Variants in CNTNAP2 observed in about 807,000 individuals in gnomAD.
CNTNAP2 encodes contactin associated protein 2.
In CNTNAP2, 98 loss-of-function variants were observed where a neutral mutation model predicts 155.2. The ratio of observed to expected loss-of-function variants is 0.63; its 90% CI spans 0.54 to 0.75. The LOEUF (loss-of-function observed/expected upper bound fraction) is 0.75. Among genes scored for constraint, CNTNAP2 ranks in the 30% least tolerant of loss-of-function variants. CNTNAP2 has a pLI of 0.00. For synonymous variants in CNTNAP2, 651 were observed against 631.2 expected (o/e 1.03, Z -0.47); for missense variants, 1,727 against 1,688.1 (o/e 1.02, Z -0.40).
At chr7:147,683,130 T>C (rs1795971694) in intron 13 of CNTNAP2, among the ~76,000 whole-genome samples, 2 of 151,918 alleles carry the variant, frequency 1.3e-5, no homozygotes, top group South Asian at 2.1e-4. Context: ...TTCTTTCATA[T>C]AATATATAAC....
chr7:147,207,840 C>A (rs1056396553), intron 8 of CNTNAP2, among the ~76,000 whole-genome samples: 2 of 152,044 alleles, frequency 1.3e-5, no homozygotes, highest in Non-Finnish European at 2.9e-5. Context: ...AGATCTCATT[C>A]ACTTATAAAC....
At chr7:148,230,527 T>G (rs1486519489) in intron 20 of CNTNAP2, among the ~76,000 whole-genome samples, 1 of 152,176 alleles carries the variant, frequency 6.6e-6, no homozygotes, top group African/African-American at 2.4e-5. Context: ...AGCAGGAGGA[T>G]GCTGTTTTGT....
At chr7:146,368,032 A>T (rs1795179666) in intron 1 of CNTNAP2, among the ~76,000 whole-genome samples, 1 of 152,072 alleles carries the variant, frequency 6.6e-6, no homozygotes, top group African/African-American at 2.4e-5. Context: ...TCATCCCTGA[A>T]TTCTCTCTTG....
intron 1 of CNTNAP2, among the ~76,000 whole-genome samples, chr7:146,741,341 C>T (rs1801712720): frequency 6.6e-6 from 1 of 152,080 alleles, no homozygotes; most frequent in Non-Finnish European, 1.5e-5. Flanking sequence ...CTGTCTGGCT[C>T]CCACAAGGCA....
At chr7:146,376,099 T>C (rs944453986) in intron 1 of CNTNAP2, among the ~76,000 whole-genome samples, 4 of 152,330 alleles carry the variant, frequency 2.6e-5, no homozygotes, top group Admixed American at 6.5e-5. Context: ...CCCACTCTTT[T>C]AGTTGGCTGC....
intron 3 of CNTNAP2, among the ~76,000 whole-genome samples, chr7:146,941,164 A>G (rs1436346732): frequency 6.6e-6 from 1 of 151,892 alleles, no homozygotes; most frequent in African/African-American, 2.4e-5. Flanking sequence ...ATTGTTTCCC[A>G]GTTGTTTTGA....
At position 147,830,536 on chromosome 7, in the gene CNTNAP2, G is replaced by A. The variant is rs540190376; in HGVS notation, c.2099-73029G>A. ...TACATCTACTTTCTTCAAAACTGTA[G>A]GCAAGCTGTAAAGAAGGGAAAATCA... On this transcript the variant is annotated intron_variant, in intron 13 of 23. Coordinates refer to ENST00000361727, the MANE Select transcript of CNTNAP2 (RefSeq NM_014141.6). Among the ~76,000 whole-genome samples, 4 of 152,248 alleles carry A rather than the reference G, an allele frequency of 2.6e-5. No individual in the cohort carries two copies. The East Asian group carries it at 7.7e-4, about 29-fold the overall frequency.
chr7:148,061,187 TA>T (rs1280195343), intron 15 of CNTNAP2, among the ~76,000 whole-genome samples: 2 of 149,566 alleles, frequency 1.3e-5, no homozygotes, highest in Non-Finnish European at 2.9e-5. Flanking sequence ...TAATGTGTTT[TA>T]AAAAGGAGTA....
At chr7:148,195,191 C>T (rs1232335521) in intron 18 of CNTNAP2, among the ~76,000 whole-genome samples, 2 of 152,180 alleles carry the variant, frequency 1.3e-5, no homozygotes, top group African/African-American at 4.8e-5. Flanking sequence ...ATTGCACATT[C>T]CTTCTGGGCA....
intron 20 of CNTNAP2, among the ~76,000 whole-genome samples, chr7:148,247,615 CTCTCTCTCTCTATTTATTTATTTATT>C (rs1026487382): frequency 4.1e-5 from 6 of 146,862 alleles, no homozygotes; most frequent in African/African-American, 1.5e-4. Flanking sequence ...CTCTCTCTCT[CTCTCTCTCTCTATTTATTTATTTATT>C]TATTTATTTA....
chr7:147,178,018 C>G (rs1345796019), intron 8 of CNTNAP2, among the ~76,000 whole-genome samples: 2 of 152,144 alleles, frequency 1.3e-5, no homozygotes, highest in African/African-American at 4.8e-5. Context: ...CCCCTCAACT[C>G]TATCTGTGGA....
intron 4 of CNTNAP2, among the ~76,000 whole-genome samples, chr7:147,063,579 G>C (rs1799724250): frequency 6.6e-6 from 1 of 151,984 alleles, no homozygotes; most frequent in Admixed American, 6.6e-5. Flanking sequence ...GCCCAAGAAA[G>C]TAAAGAATGT....
intron 11 of CNTNAP2, among the ~76,000 whole-genome samples, chr7:147,543,569 A>G (rs1210978508): frequency 2.0e-5 from 3 of 152,128 alleles, no homozygotes; most frequent in Non-Finnish European, 4.4e-5. Context: ...TCTCATTCTT[A>G]TTCTGAACAA....
At chr7:147,335,897 T>C (rs1795656298) in intron 9 of CNTNAP2, among the ~76,000 whole-genome samples, 1 of 152,144 alleles carries the variant, frequency 6.6e-6, no homozygotes, top group African/African-American at 2.4e-5. Context: ...TTAGCAGCTG[T>C]ATCATATTAT....
chr7:148,129,631 C>G (rs1453285071), intron 16 of CNTNAP2, among the ~76,000 whole-genome samples: 1 of 152,178 alleles, frequency 6.6e-6, no homozygotes, highest in Non-Finnish European at 1.5e-5. Flanking sequence ...GTTAATAAAT[C>G]ACTCAATTTT....
At position 147,755,645 on chromosome 7, in the gene CNTNAP2, C is replaced by T. The variant is rs1276925951; in HGVS notation, c.2098+116339C>T. On this transcript the variant is annotated intron_variant, in intron 13 of 23. Transcript: ENST00000361727. ...CCAGCCTGGGCGACAGAGAGAGACC[C>T]TGTCTCAAAATAATAATTAATCATA... 2.0e-5 allele frequency among the ~76,000 whole-genome samples: 3 copies of T among 152,234 alleles called. No individual in the cohort carries two copies. In the East Asian group the frequency reaches 5.8e-4, roughly 29 times the overall value.
chr7:148,398,163 A>C (rs1398280324), intron 22 of CNTNAP2, among the ~76,000 whole-genome samples: 1 of 152,204 alleles, frequency 6.6e-6, no homozygotes, highest in Non-Finnish European at 1.5e-5. Context: ...TTCTAACCGC[A>C]CAGTGGAGAC....
chr7:148,092,409 G>A (rs984613546), intron 15 of CNTNAP2, among the ~76,000 whole-genome samples: 2 of 152,150 alleles, frequency 1.3e-5, no homozygotes, highest in Non-Finnish European at 2.9e-5. Context: ...CTGAAAAAAT[G>A]GAGAGGCTGG....
At chr7:147,308,737 C>G (rs1795074584) in intron 9 of CNTNAP2, among the ~76,000 whole-genome samples, 1 of 152,158 alleles carries the variant, frequency 6.6e-6, no homozygotes. Context: ...GAACCATGGA[C>G]AGCTCCCTCC....
Sources: allele counts gnomAD v4.1 joint callset (sites outside exome capture counted in the v4.1 genomes callset), GRCh38; gene constraint gnomAD v4.1.1; transcripts MANE v1.5; gene names NCBI Gene and HGNC (gene_info 2026-07-23, HGNC 2026-07-21).